Variants in SYT1 observed in about 807,000 individuals in gnomAD.
SYT1 encodes synaptotagmin 1.
In SYT1, 8 loss-of-function variants were observed where a neutral mutation model predicts 44.8. The ratio of observed to expected loss-of-function variants is 0.18; its 90% CI spans 0.10 to 0.32. SYT1 has a LOEUF of 0.32. Among genes scored for constraint, SYT1 ranks in the 10% least tolerant of loss-of-function variants. The pLI is 1.00. For synonymous variants in SYT1, 154 were observed against 188.8 expected (o/e 0.82, Z 1.51); for missense variants, 286 against 509.3 (o/e 0.56, Z 4.22).
At chr12:79,308,258 C>T (rs111560905) in intron 8 of SYT1, among the ~76,000 whole-genome samples, 1,610 of 152,252 alleles carry the variant, frequency 0.011, 31 homozygotes, top group African/African-American at 0.037. Context: ...GCCGCGGTGG[C>T]TCACGCCTGT....
At chr12:79,110,380 G>A (rs1461447218) in intron 3 of SYT1, among the ~76,000 whole-genome samples, 1 of 152,114 alleles carries the variant, frequency 6.6e-6, no homozygotes, top group Non-Finnish European at 1.5e-5. Flanking sequence ...AGCAATTTAT[G>A]AATAGGACAT....
chr12:79,275,771 G>A (rs781645647), intron 4 of SYT1, among the ~76,000 whole-genome samples: 44 of 152,206 alleles, frequency 2.9e-4, no homozygotes, highest in Non-Finnish European at 5.4e-4. Flanking sequence ...CTGGCCTGAA[G>A]GCTGAACTGT....
At chr12:79,030,390 G>GCTTTTCTCCCTCCATAA (rs1872758700) in intron 2 of SYT1, among the ~76,000 whole-genome samples, 1 of 150,876 alleles carries the variant, frequency 6.6e-6, no homozygotes, top group Non-Finnish European at 1.5e-5. Context: ...CATTCCCAGT[G>GCTTTTCTCCCTCCATAA]CTTTTCTCCC....
At chr12:79,419,354 C>T (rs1369720358) in intron 9 of SYT1, 1 of 475,876 alleles carries the variant, frequency 2.1e-6, no homozygotes, top group Non-Finnish European at 4.5e-6. Flanking sequence ...TTTTCTTCTC[C>T]TTCCACTGCA....
At chr12:79,308,900 A>T (rs1880619300) in intron 8 of SYT1, among the ~76,000 whole-genome samples, 1 of 152,240 alleles carries the variant, frequency 6.6e-6, no homozygotes, top group Non-Finnish European at 1.5e-5. Flanking sequence ...AGGAGACATA[A>T]CTATTCCTTC....
chr12:78,969,767 G>T (rs1179958673), intron 1 of SYT1, among the ~76,000 whole-genome samples: 10 of 152,170 alleles, frequency 6.6e-5, no homozygotes, highest in Admixed American at 6.5e-4. Context: ...AGCCACTGAA[G>T]ATTTTAAATG....
chr12:79,120,180 C>T lies in SYT1; in HGVS notation c.-18+72818C>T, dbSNP rs528160442. Among the ~76,000 whole-genome samples the T allele has an allele frequency of 8.6e-5, 13 of 152,040 alleles. No homozygotes were observed. The South Asian group carries it at 1.5e-3, about 17-fold the overall frequency. ...TTACCCAAGTCAGAATGTTCGTATG[C>T]GGCGATGAGAACCCAATCAATTCAA... On this transcript the variant is annotated intron_variant, in intron 3 of 10. Coordinates refer to ENST00000261205, the MANE Select transcript of SYT1 (RefSeq NM_005639.3).
In SYT1 at chr12:79,278,679, T is replaced by C. The variant is rs975668742; in HGVS notation, c.167-7108T>C. On this transcript the variant is annotated intron_variant, in intron 4 of 10. Coordinates refer to ENST00000261205, the MANE Select transcript of SYT1 (RefSeq NM_005639.3). The stretch of plus-strand genomic sequence containing the variant: ...TAATAAAGAGCAGAACTAAATGAAA[T>C]TGAAACCAACAAATACAAGGATCAA... 4.6e-5 allele frequency among the ~76,000 whole-genome samples: 7 copies of C among 151,624 alleles called. No homozygotes were observed. The East Asian group carries it at 1.4e-3, about 29-fold the overall frequency.
At chr12:78,993,822 A>C (rs1320790231) in intron 2 of SYT1, among the ~76,000 whole-genome samples, 2 of 152,204 alleles carry the variant, frequency 1.3e-5, no homozygotes, top group Non-Finnish European at 2.9e-5. Context: ...AAATTCTTTG[A>C]GTTCAGCTGG....
chr12:79,323,207 CAA>C (rs1881451437), intron 8 of SYT1, among the ~76,000 whole-genome samples: 1 of 151,230 alleles, frequency 6.6e-6, no homozygotes, highest in African/African-American at 2.4e-5. Context: ...CTTTGACAAA[CAA>C]TGGTAACAGC....
intron 4 of SYT1, among the ~76,000 whole-genome samples, chr12:79,227,691 TCTGA>T (rs1405438995): frequency 6.6e-6 from 1 of 152,222 alleles, no homozygotes; most frequent in Non-Finnish European, 1.5e-5. Flanking sequence ...AATTAATTTT[TCTGA>T]CTATCAGTTT....
intron 1 of SYT1, among the ~76,000 whole-genome samples, chr12:78,871,464 C>T (rs919088643): frequency 1.3e-5 from 2 of 151,920 alleles, no homozygotes; most frequent in African/African-American, 4.8e-5. Context: ...ATATCCTATG[C>T]CATACAAACA....
chr12:79,179,360 A>AGATATATCGATATATCTATATT (rs1565841959), intron 3 of SYT1, among the ~76,000 whole-genome samples: 1 of 66,450 alleles, frequency 1.5e-5, no homozygotes, highest in Non-Finnish European at 2.6e-5. Flanking sequence ...ATATCGATAT[A>AGATATATCGATATATCTATATT]GATATAGATA....
At chr12:78,927,549 C>T (rs1473964998) in intron 1 of SYT1, among the ~76,000 whole-genome samples, 3 of 152,100 alleles carry the variant, frequency 2.0e-5, no homozygotes, top group Non-Finnish European at 4.4e-5. Context: ...TCTGAAATTA[C>T]ATAAGTGTCT....
chr12:79,447,366 C>G (rs1477660181), intron 10 of SYT1, among the ~76,000 whole-genome samples: 1 of 152,108 alleles, frequency 6.6e-6, no homozygotes, highest in Non-Finnish European at 1.5e-5. Flanking sequence ...CTTTCTCTAT[C>G]CCTATGAAAT....
chr12:78,973,923 AAAAAAAAAAAAAAAAATATATATATATAT>A lies in SYT1; in HGVS notation c.-216-3874_-216-3846del, dbSNP rs1241279972. On this transcript the variant is annotated intron_variant, in intron 1 of 10. Coordinates refer to ENST00000261205, the MANE Select transcript of SYT1 (RefSeq NM_005639.3). Reference sequence around the variant, plus strand: ...AGAGGAAGAGACGAACACCAAAAAAAAAAAAAAAAAAAAAAATATATATATATATATATATATATATATATATATATATA... The same window carrying A: ...AGAGGAAGAGACGAACACCAAAAAAAATATATATATATATATATATATATA... Among the ~76,000 whole-genome samples, 92 of 24,016 alleles carry A rather than the reference AAAAAAAAAAAAAAAAATATATATATATAT, an allele frequency of 3.8e-3. 4 individuals are homozygous for A. The highest frequency in any genetic ancestry group is 0.018 in the African/African-American group (86 of 4,736). 15.8% of individuals were successfully genotyped at this position (24,016 alleles called of 152,430 possible).
At chr12:79,029,613 C>T (rs563921432) in intron 2 of SYT1, among the ~76,000 whole-genome samples, 1 of 151,022 alleles carries the variant, frequency 6.6e-6, no homozygotes, top group African/African-American at 2.4e-5. Flanking sequence ...TAATGTTATT[C>T]TCTAGCTAAG....
intron 3 of SYT1, among the ~76,000 whole-genome samples, chr12:79,215,874 A>C (rs80343768): frequency 0.074 from 10,940 of 148,466 alleles, 523 homozygotes; most frequent in Non-Finnish European, 0.11. Context: ...TTCACTAAAT[A>C]TGTAACTATG....
intron 1 of SYT1, among the ~76,000 whole-genome samples, chr12:78,875,522 A>G (rs528886179): frequency 4.0e-5 from 6 of 151,702 alleles, no homozygotes; most frequent in Non-Finnish European, 8.9e-5. Flanking sequence ...CAAATGAAGC[A>G]ACCAGTACAG....
Sources: gnomAD v4.1 joint callset for allele counts (sites outside exome capture counted in the v4.1 genomes callset) on GRCh38, gnomAD v4.1.1 for gene constraint, MANE v1.5 for transcripts, NCBI Gene and HGNC (gene_info 2026-07-23, HGNC 2026-07-21) for gene names.